Variants in FUT8 observed in about 807,000 individuals in gnomAD.
FUT8 encodes alpha-(1,6)-fucosyltransferase.
Under a neutral mutation model 71.3 loss-of-function variants are expected in FUT8, and 29 were observed. The observed-to-expected ratio is 0.41, with a 90% CI of 0.30 to 0.55. The LOEUF is 0.55. FUT8 is among the 20% of genes least tolerant of loss of function. The pLI is 0.34. For missense variants in FUT8, 544 were observed against 702.1 expected (o/e 0.77, Z 2.55); for synonymous variants, 254 against 239.3 (o/e 1.06, Z -0.57).
the FUT8 span, among the ~76,000 whole-genome samples, chr14:65,366,671 A>G: frequency 2.6e-5 from 4 of 152,196 alleles, no homozygotes; most frequent in Non-Finnish European, 5.9e-5. Flanking sequence ...ATCTAATTAA[A>G]TTAAGCAGCT....
the FUT8 span, among the ~76,000 whole-genome samples, chr14:65,400,857 CCTG>C: frequency 6.6e-6 from 1 of 152,248 alleles, no homozygotes; most frequent in East Asian, 1.9e-4. Flanking sequence ...TGCACTCCAG[CCTG>C]GGCAACAGTG....
rs1469026048 is a variant in FUT8 at position 65,643,246 on chromosome 14, TA to T, written c.597+13641del. On this transcript the variant is annotated intron_variant, in intron 6 of 10. Coordinates refer to ENST00000673929, the MANE Select transcript of FUT8 (RefSeq NM_001371533.1). This position sits in a 1 kb window ranked among gnomAD's most constrained non-coding sequence, Gnocchi z 4.5. The stretch of plus-strand genomic sequence containing the variant: ...ATTTTTCAGTTTACATATTTTTATA[TA>T]TTCAAATTCTCTTAATTATCAATAA... Among the ~76,000 whole-genome samples, 1 of 152,222 alleles carries T rather than the reference TA, an allele frequency of 6.6e-6. No individual in the cohort carries two copies. The highest frequency in any genetic ancestry group is 1.5e-5 in the Non-Finnish European group (1 of 68,042).
the FUT8 span, among the ~76,000 whole-genome samples, chr14:65,371,552 T>C: frequency 1.3e-5 from 2 of 152,198 alleles, no homozygotes; most frequent in African/African-American, 4.8e-5. Context: ...AAATAAGTAA[T>C]TATGAGGGAT....
At chr14:65,527,930 A>G (rs1439175737) in intron 2 of FUT8, among the ~76,000 whole-genome samples, 1 of 152,116 alleles carries the variant, frequency 6.6e-6, no homozygotes, top group Admixed American at 6.5e-5. Flanking sequence ...AGAGGGGTAC[A>G]CGGCCATGTG....
At chr14:65,512,787 T>C (rs555203786) in intron 2 of FUT8, among the ~76,000 whole-genome samples, 20 of 151,096 alleles carry the variant, frequency 1.3e-4, no homozygotes, top group African/African-American at 4.9e-4. Flanking sequence ...CGGGCGCCTG[T>C]AATCCTAGCT....
chr14:65,391,115 C>A, the FUT8 span, among the ~76,000 whole-genome samples: 2 of 152,266 alleles, frequency 1.3e-5, no homozygotes, highest in East Asian at 3.9e-4. Flanking sequence ...AAGAACAAGA[C>A]CATTTGTATC....
chr14:65,722,639 G>A (rs779128531), intron 8 of FUT8, among the ~76,000 whole-genome samples: 4 of 152,088 alleles, frequency 2.6e-5, no homozygotes, highest in East Asian at 1.9e-4. Flanking sequence ...GGAATCATTC[G>A]TTCTGCCCAC....
At chr14:65,634,604 T>G (rs1223221268) in intron 6 of FUT8, among the ~76,000 whole-genome samples, 1 of 151,506 alleles carries the variant, frequency 6.6e-6, no homozygotes, top group African/African-American at 2.4e-5. Context: ...CTTTCCCCAC[T>G]TGTTTGCTTT....
the FUT8 span, among the ~76,000 whole-genome samples, chr14:65,383,929 G>T: frequency 1.3e-5 from 2 of 149,990 alleles, no homozygotes; most frequent in Admixed American, 6.7e-5. Flanking sequence ...CTCAGTGCAA[G>T]TTGGAGCCAT....
intron 6 of FUT8, among the ~76,000 whole-genome samples, chr14:65,668,078 T>C (rs543047868): frequency 8.5e-5 from 13 of 152,214 alleles, no homozygotes; most frequent in Admixed American, 1.3e-4. Context: ...TAAGTCAAGA[T>C]AGATAAAAGA....
At chr14:65,591,626 CAG>C (rs1887690615) in intron 3 of FUT8, among the ~76,000 whole-genome samples, 1 of 152,030 alleles carries the variant, frequency 6.6e-6, no homozygotes, top group Admixed American at 6.5e-5. Context: ...ATTTTGCAAA[CAG>C]ATAATCATTT....
At chr14:65,700,439 G>A (rs900392367) in intron 7 of FUT8, among the ~76,000 whole-genome samples, 3 of 118,706 alleles carry the variant, frequency 2.5e-5, no homozygotes, top group African/African-American at 9.7e-5. Flanking sequence ...TGCCCAGGCT[G>A]GAGTGCAGTG....
At chr14:65,632,010 T>G (rs1363258568) in intron 6 of FUT8, among the ~76,000 whole-genome samples, 1 of 152,242 alleles carries the variant, frequency 6.6e-6, no homozygotes, top group Non-Finnish European at 1.5e-5. Context: ...CTCATGGAAG[T>G]CGCTGCAAAT....
At chr14:65,514,203 C>T (rs1215545210) in intron 2 of FUT8, among the ~76,000 whole-genome samples, 1 of 124,892 alleles carries the variant, frequency 8.0e-6, no homozygotes, top group African/African-American at 3.1e-5. Flanking sequence ...AGGCAGTTTA[C>T]CAAGATCGGT....
In FUT8 at chr14:65,643,128, C is replaced by A. The variant is rs1053189026; in HGVS notation, c.597+13522C>A. On this transcript the variant is annotated intron_variant, in intron 6 of 10. Coordinates refer to ENST00000673929, the MANE Select transcript of FUT8 (RefSeq NM_001371533.1). This position sits in a 1 kb window ranked among gnomAD's most constrained non-coding sequence, Gnocchi z 4.5. ...AATTTCAGCTTTTAGGTTTTCTTAG[C>A]AAGAGTTTTAAAATATTTTGAGATT... 1.3e-5 allele frequency among the ~76,000 whole-genome samples: 2 copies of A among 152,048 alleles called. No homozygotes were observed. The highest frequency in any genetic ancestry group is 4.8e-5 in the African/African-American group (2 of 41,394).
chr14:65,616,664 A>G (rs1400432563), intron 5 of FUT8, among the ~76,000 whole-genome samples: 1 of 152,230 alleles, frequency 6.6e-6, no homozygotes, highest in Non-Finnish European at 1.5e-5. Flanking sequence ...ATATCTTTCT[A>G]TAAATGTTCT....
intron 7 of FUT8, among the ~76,000 whole-genome samples, chr14:65,718,286 C>T (rs1041568415): frequency 1.3e-5 from 2 of 151,974 alleles, no homozygotes; most frequent in African/African-American, 2.4e-5. Context: ...ACTTATAGCT[C>T]GTTATTTTAA....
At chr14:65,403,738 ATT>A in the FUT8 span, among the ~76,000 whole-genome samples, 95,971 of 143,118 alleles carry the variant, frequency 0.67, 31,884 homozygotes, top group East Asian at 0.86. Flanking sequence ...ATAGTGGTTA[ATT>A]TTTTTTTTTT....
the FUT8 span, among the ~76,000 whole-genome samples, chr14:65,370,043 TATA>T: frequency 9.5e-3 from 1,452 of 152,120 alleles, 25 homozygotes; most frequent in African/African-American, 0.034. Flanking sequence ...TTTATGAAAT[TATA>T]ATAATGATAG....
Sources: gnomAD v4.1 joint callset for allele counts (sites outside exome capture counted in the v4.1 genomes callset) on GRCh38, gnomAD v4.1.1 for gene constraint, Gnocchi (gnomAD v3.1) non-coding constraint, MANE v1.5 for transcripts, NCBI Gene and HGNC (gene_info 2026-07-23, HGNC 2026-07-21) for gene names.